The following SETD4 variants were observed in gnomAD, a reference collection of about 807,000 sequenced individuals.
SETD4 encodes the protein SET domain-containing protein 4.
In SETD4, 46 loss-of-function variants were observed where a neutral mutation model predicts 58.3. That is an observed-to-expected ratio of 0.79 (90% CI 0.62 to 1.01). The LOEUF (loss-of-function observed/expected upper bound fraction) is 1.01. Ranked by LOEUF, SETD4 falls within the 50% of genes least tolerant of loss-of-function variation. The pLI, the probability that SETD4 is intolerant of heterozygous loss-of-function variation, is 0.00. For missense variants in SETD4, 490 were observed against 523.3 expected (o/e 0.94, Z 0.62); for synonymous variants, 190 against 202.6 (o/e 0.94, Z 0.53).
chr21:36,050,396 G>T, intron 4 of SETD4: 1 of 1,614,192 alleles, frequency 6.2e-7, no homozygotes, highest in Non-Finnish European at 8.5e-7. Context: ...ACTTGGGTCT[G>T]CGGATCAATG....
intron 11 of SETD4, 37 bp downstream of exon 11, chr21:36,036,048 A>C: frequency 1.2e-6 from 2 of 1,603,110 alleles, no homozygotes. Context: ...AATTTAGTCC[A>C]TCAAACCTTA....
chr21:36,043,064 C>G (rs1394042088), intron 7 of SETD4: 9 of 152,382 alleles, frequency 5.9e-5, no homozygotes, highest in Admixed American at 5.2e-4. Context: ...GAGTTCAAGA[C>G]CAGCCTGGCC....
At chr21:36,047,815 CCT>C (rs1045518153) in intron 5 of SETD4, among the ~76,000 whole-genome samples, 8 of 139,888 alleles carry the variant, frequency 5.7e-5, no homozygotes, top group Non-Finnish European at 3.1e-5. Context: ...ATGGTGAAAC[CCT>C]GTCTCTACTA....
intron 5 of SETD4, among the ~76,000 whole-genome samples, chr21:36,048,017 A>G (rs954272752): frequency 7.1e-6 from 1 of 141,306 alleles, no homozygotes; most frequent in Non-Finnish European, 1.5e-5. Context: ...CAAGAGAGAG[A>G]GAAAGAGAGA....
In SETD4 at chr21:36,041,865, A is replaced by G. The variant is rs894393476; in HGVS notation, c.925T>C (p.Ser309Pro). ...TTTTTGTCCATCTGTTTATCTGTTGATGGAAGATATTTAACAAGTATTTCT... is the reference window on the plus strand; with the variant it reads ...TTTTTGTCCATCTGTTTATCTGTTGGTGGAAGATATTTAACAAGTATTTCT... ...SREILVKYLP[S>P]TDKQMDKKIS... The change falls in exon 8 of 12, where the codon TCA becomes CCA. Residue 309 changes from serine (S) to proline (P), a missense_variant. Transcript: ENST00000332131. 2 of 1,464,252 alleles carry G rather than the reference A, an allele frequency of 1.4e-6. No homozygotes were observed. The highest frequency in any genetic ancestry group is 4.1e-5 in the Admixed American group (2 of 48,672). The allele number at this position is 1,464,252 out of a possible 1,614,324, so 90.7% of individuals were successfully genotyped here.
chr21:36,051,580 G>A (rs752827860), intron 4 of SETD4, among the ~76,000 whole-genome samples: 8 of 152,150 alleles, frequency 5.3e-5, no homozygotes, highest in Non-Finnish European at 1.2e-4. Context: ...CTACAGAGAG[G>A]CAGAATAGGT....
chr21:36,058,996 G>C (rs558880563), intron 1 of SETD4, 72 bp from the exon 2 acceptor site: 4 of 1,422,200 alleles, frequency 2.8e-6, no homozygotes, highest in Non-Finnish European at 3.8e-6. Flanking sequence ...ACATTTCTTT[G>C]ATTTACTTTC....
intron 6 of SETD4, among the ~76,000 whole-genome samples, chr21:36,045,372 G>A (rs1009628419): frequency 1.3e-5 from 2 of 152,202 alleles, no homozygotes; most frequent in Non-Finnish European, 2.9e-5. Context: ...AGAGCAGAGT[G>A]AAGAAAAGGG....
chr21:36,039,575 A>C (rs2063944299), intron 9 of SETD4, among the ~76,000 whole-genome samples: 1 of 152,238 alleles, frequency 6.6e-6, no homozygotes, highest in African/African-American at 2.4e-5. Flanking sequence ...AGAAAAGACA[A>C]GACACTGCAG....
chr21:36,056,445 G>A (rs1420062806), intron 3 of SETD4, among the ~76,000 whole-genome samples: 2 of 152,192 alleles, frequency 1.3e-5, no homozygotes, highest in East Asian at 3.8e-4. Context: ...GGTCCTCCCT[G>A]TGGTTATCTC....
intron 3 of SETD4, 145 bp from the exon 4 acceptor site, chr21:36,053,765 A>T: frequency 1.3e-6 from 1 of 779,158 alleles, no homozygotes; most frequent in Non-Finnish European, 2.1e-6. Flanking sequence ...CCCAGGGGAA[A>T]CAGGGAGTCA....
At position 36,035,728 on chromosome 21, in the gene SETD4, C is replaced by G; in HGVS notation, c.*265G>C. On this transcript the variant is annotated 3_prime_UTR_variant, in exon 12 of 12. Transcript: ENST00000332131. ...AGATAAGAAGCAGGCCCCGTGGTGA[C>G]AGACCACACACGGACGCAGCTGGCT... 2 of 255,816 alleles carry G rather than the reference C, an allele frequency of 7.8e-6. No homozygotes were observed. Among genetic ancestry groups the G allele is most frequent in the Non-Finnish European group, 7.6e-6 (1 of 131,180 alleles). 15.8% of individuals were successfully genotyped at this position (255,816 alleles called of 1,614,324 possible).
At chr21:36,050,767 T>A (rs980005237) in intron 4 of SETD4, 6 of 1,612,588 alleles carry the variant, frequency 3.7e-6, no homozygotes, top group Non-Finnish European at 5.1e-6. Flanking sequence ...AGCCATCTTA[T>A]TTGCCATGAA....
intron 10 of SETD4, among the ~76,000 whole-genome samples, chr21:36,037,220 T>C (rs1281161258): frequency 6.6e-6 from 1 of 152,252 alleles, no homozygotes; most frequent in African/African-American, 2.4e-5. Context: ...CATGCATATG[T>C]TAAATAGCTT....
In SETD4 at chr21:36,041,877, T is replaced by G; in HGVS notation, c.913A>C (p.Lys305Gln). 7.0e-7 allele frequency: 1 copy of G among 1,426,088 alleles called. No homozygotes were observed. Among genetic ancestry groups the G allele is most frequent in the Non-Finnish European group, 9.4e-7 (1 of 1,063,288 alleles). 88.3% of individuals were successfully genotyped at this position (1,426,088 alleles called of 1,614,324 possible). Reference protein sequence around the residue: ...CVYVSREILVKYLPSTDKQMD... With the variant: ...CVYVSREILVQYLPSTDKQMD... ...TGTTTATCTGTTGATGGAAGATATT[T>G]AACAAGTATTTCTATATTCAAAAAA... The change falls in exon 8 of 12, where the codon AAA becomes CAA. Residue 305 changes from lysine to glutamine, a missense_variant. Coordinates refer to ENST00000332131, the MANE Select transcript of SETD4 (RefSeq NM_017438.5).
Position 36,043,863 on chromosome 21 carries a change from G to C in SETD4, c.820C>G (p.Pro274Ala). The change falls in exon 7 of 12, where the codon CCT becomes GCT. Residue 274 changes from proline (P) to alanine (A), a missense_variant. Pro to Ala is a conservative substitution (Grantham distance 27). Transcript: ENST00000332131. Reference sequence around the variant, plus strand: ...AGGAACAGCCGTTGATTATCGTGAGGGCCGTAACAGATGAATACCTCTTCA... The same window carrying C: ...AGGAACAGCCGTTGATTATCGTGAGCGCCGTAACAGATGAATACCTCTTCA... Reference protein sequence around the residue: ...KHEEVFICYGPHDNQRLFLEY... With the variant: ...KHEEVFICYGAHDNQRLFLEY... The C allele has an allele frequency of 6.2e-7, 1 of 1,614,166 alleles. No individual in the cohort carries two copies. Among genetic ancestry groups the C allele is most frequent in the South Asian group, 1.1e-5 (1 of 91,086 alleles).
At position 36,053,446 on chromosome 21, in the gene SETD4, A is replaced by C. The variant is rs151225005; in HGVS notation, c.207+137T>G. The C allele has an allele frequency of 1.2e-4, 101 of 851,178 alleles. 1 individual carries two copies. In the African/African-American group the frequency reaches 1.5e-3, roughly 12 times the overall value. 52.7% of individuals were successfully genotyped at this position (851,178 alleles called of 1,614,324 possible). ...AACAAACTTAATCCTAGTTGATAGA[A>C]CCATATTCAAATATATCTATTAGGT... On this transcript the variant is annotated intron_variant, in intron 4 of 11. Transcript: ENST00000332131.
At chr21:36,036,307 C>T in intron 10 of SETD4, 56 bp from the exon 11 acceptor site, 1 of 1,358,402 alleles carries the variant, frequency 7.4e-7, no homozygotes. Context: ...ATATATTTCA[C>T]AGAACGTACG....
rs370464531 is a variant in SETD4 at position 36,041,868 on chromosome 21, G to C, written c.922C>G (p.Pro308Ala). The C allele has an allele frequency of 6.9e-7, 1 of 1,457,970 alleles. No homozygotes were observed. The highest frequency in any genetic ancestry group is 2.1e-5 in the Admixed American group (1 of 47,444). The allele number at this position is 1,457,970 out of a possible 1,614,324, so 90.3% of individuals were successfully genotyped here. The change falls in exon 8 of 12, where the codon CCA becomes GCA. Residue 308 changes from proline to alanine, a missense_variant. Coordinates refer to ENST00000332131, the MANE Select transcript of SETD4 (RefSeq NM_017438.5). ...VSREILVKYL[P>A]STDKQMDKKI... is the part of the protein sequence containing the mutation. ...TTGTCCATCTGTTTATCTGTTGATGGAAGATATTTAACAAGTATTTCTATA... is the reference window on the plus strand; with the variant it reads ...TTGTCCATCTGTTTATCTGTTGATGCAAGATATTTAACAAGTATTTCTATA...
Sources: gnomAD v4.1 joint callset for allele counts (sites outside exome capture counted in the v4.1 genomes callset) on GRCh38, gnomAD v4.1.1 for gene constraint, MANE v1.5 for transcripts, NCBI Gene and HGNC (gene_info 2026-07-23, HGNC 2026-07-21) for gene names.